The following DCAF1 variants were observed in gnomAD, a reference collection of about 807,000 sequenced individuals.
The protein encoded by DCAF1 is DDB1 and CUL4 associated factor 1, also known as DDB1- and CUL4-associated factor 1.
In DCAF1, 15 loss-of-function variants were observed where a neutral mutation model predicts 128.0. That is an observed-to-expected ratio of 0.12 (90% CI 0.08 to 0.18). The LOEUF (loss-of-function observed/expected upper bound fraction) is 0.18, where lower values mean the gene tolerates loss of function less well. DCAF1 is among the 10% of genes least tolerant of loss of function. The pLI is 1.00. For missense variants in DCAF1, 988 were observed against 1,649.5 expected, an observed-to-expected ratio of 0.60 and a Z score of 6.95; for synonymous variants, 610 against 603.0, an observed-to-expected ratio of 1.01 and a Z score of -0.17.
intron 5 of DCAF1, among the ~76,000 whole-genome samples, chr3:51,466,176 T>G (rs1704107912): frequency 6.6e-6 from 1 of 152,062 alleles, no homozygotes; most frequent in African/African-American, 2.4e-5. Context: ...CATTCCAGCC[T>G]AAGTAACAGA....
intron 6 of DCAF1, among the ~76,000 whole-genome samples, chr3:51,456,524 G>A (rs1553642865): frequency 6.6e-6 from 1 of 152,188 alleles, no homozygotes; most frequent in Non-Finnish European, 1.5e-5. Flanking sequence ...AGTAACCTCT[G>A]CAGACTTAAA....
chr3:51,442,409 G>C (rs1456207417), intron 7 of DCAF1, among the ~76,000 whole-genome samples: 2 of 152,092 alleles, frequency 1.3e-5, no homozygotes, highest in African/African-American at 2.4e-5. Context: ...TTTAAAGAGA[G>C]AGGGATGGCC....
Position 51,403,271 on chromosome 3 carries a change from G to A in DCAF1, c.4337C>T (p.Ala1446Val). ...GAAGTCATTGTCCCCATCTTCCCCT[G>A]CGTTCTCATTATTGTCGTCCTCCTC... Reference protein sequence around the residue: ...ELEEDDNNENAGEDGDNDFSP... With the variant: ...ELEEDDNNENVGEDGDNDFSP... Residue 1446 changes from alanine (A) to valine (V), a missense_variant, in exon 24 of 25, where the codon GCA becomes GTA. Ala to Val is a moderately conservative substitution (Grantham distance 64, BLOSUM62 0). Around this residue, in one of 11 missense-constraint regions of DCAF1, gnomAD observed 97 missense variants for 134.5 expected, o/e 0.72. Coordinates refer to ENST00000684031, the MANE Select transcript of DCAF1 (RefSeq NM_001387579.1). The A allele has an allele frequency of 1.2e-6, 2 of 1,611,064 alleles. No homozygotes were observed. Among genetic ancestry groups the A allele is most frequent in the Non-Finnish European group, 1.7e-6 (2 of 1,178,676 alleles).
intron 2 of DCAF1, among the ~76,000 whole-genome samples, chr3:51,489,616 A>G: frequency 6.6e-6 from 1 of 151,944 alleles, no homozygotes; most frequent in Admixed American, 6.6e-5. Context: ...GTGAAACCGC[A>G]TCTCTACTAA....
chr3:51,496,833 T>G (rs1268962354), intron 1 of DCAF1, among the ~76,000 whole-genome samples, 53 bp from the exon 2 acceptor site: 2 of 152,160 alleles, frequency 1.3e-5, no homozygotes, highest in African/African-American at 4.8e-5. Flanking sequence ...ATTGTCCCCA[T>G]GATGGGATAA....
At chr3:51,437,484 C>A in intron 9 of DCAF1, 1 of 441,540 alleles carries the variant, frequency 2.3e-6, no homozygotes, top group Admixed American at 2.6e-5. Context: ...CAGGTAACTA[C>A]TGAGAGATGA....
At chr3:51,466,669 C>A (rs782093070) in intron 5 of DCAF1, 134 bp downstream of exon 5, 1 of 744,496 alleles carries the variant, frequency 1.3e-6, no homozygotes, top group Non-Finnish European at 2.2e-6. Flanking sequence ...ATGGCCACAA[C>A]CAGGACTTTG....
At chr3:51,495,261 T>C (rs1708108612) in intron 2 of DCAF1, among the ~76,000 whole-genome samples, 1 of 151,986 alleles carries the variant, frequency 6.6e-6, no homozygotes, top group Non-Finnish European at 1.5e-5. Context: ...GAGGCAGAAG[T>C]TGCAGTGAGC....
At chr3:51,473,961 G>A (rs1321301450) in intron 3 of DCAF1, among the ~76,000 whole-genome samples, 3 of 151,292 alleles carry the variant, frequency 2.0e-5, no homozygotes, top group Non-Finnish European at 1.5e-5. Context: ...GTGCCACCAC[G>A]CCCAGCTCAT....
chr3:51,437,972 T>C (rs921539870), intron 9 of DCAF1: 3 of 271,440 alleles, frequency 1.1e-5, no homozygotes, highest in Admixed American at 5.2e-5. Context: ...GTCTCACTTA[T>C]AACAAAGTAA....
At chr3:51,403,514 T>C in intron 23 of DCAF1, 119 bp from the exon 24 acceptor site, 1 of 1,461,974 alleles carries the variant, frequency 6.8e-7, no homozygotes, top group Non-Finnish European at 9.1e-7. Flanking sequence ...AGTAGTGATC[T>C]AGACGAGCAC....
chr3:51,434,837 CAA>C (rs1262346146), intron 9 of DCAF1, among the ~76,000 whole-genome samples: 4 of 151,086 alleles, frequency 2.6e-5, no homozygotes, highest in Non-Finnish European at 5.9e-5. Flanking sequence ...ATGTTATGGG[CAA>C]AGAGTATAAT....
intron 6 of DCAF1, among the ~76,000 whole-genome samples, chr3:51,451,813 A>T (rs1445040203): frequency 1.3e-5 from 2 of 152,160 alleles, no homozygotes; most frequent in African/African-American, 4.8e-5. Flanking sequence ...TCTGAAAGTA[A>T]AAGTCAACAA....
At chr3:51,401,372 T>C (rs1157863533) in intron 24 of DCAF1, among the ~76,000 whole-genome samples, 2 of 152,182 alleles carry the variant, frequency 1.3e-5, no homozygotes, top group South Asian at 2.1e-4. Context: ...GGCAAAACCA[T>C]GGGTGCTAAG....
rs1048642533 is a variant in DCAF1, at chr3:51,403,193, T to C, written c.4415A>G (p.Glu1472Gly). The change falls in exon 24 of 25, where the codon GAG becomes GGG. Residue 1472 changes from glutamate to glycine, a missense_variant. Transcript: ENST00000684031. The part of the protein sequence containing the change: ...ANLLEEGEDG[E>G]DEDSDADEEV... ...CTCATCTGCATCAGAGTCTTCATCC[T>C]CCCCGTCCTCTCCCTCCTCTAGAAG... The C allele has an allele frequency of 1.2e-6, 2 of 1,613,844 alleles. No individual in the cohort carries two copies. The highest frequency in any genetic ancestry group is 1.7e-6 in the Non-Finnish European group (2 of 1,179,838).
upstream of DCAF1, among the ~76,000 whole-genome samples, chr3:51,504,036 AT>A (rs559346586): frequency 0.038 from 5,013 of 130,208 alleles, 106 homozygotes; most frequent in African/African-American, 0.086. Context: ...GCCCCTGAAC[AT>A]TTTTTTTTTT....
chr3:51,450,437 C>T (rs921126801), intron 6 of DCAF1, among the ~76,000 whole-genome samples: 3 of 152,104 alleles, frequency 2.0e-5, no homozygotes, highest in Non-Finnish European at 4.4e-5. Context: ...AACTAAATCT[C>T]AGGAATTCAA....
At chr3:51,464,063 C>T (rs1253400448) in intron 5 of DCAF1, among the ~76,000 whole-genome samples, 2 of 151,926 alleles carry the variant, frequency 1.3e-5, no homozygotes, top group Non-Finnish European at 2.9e-5. Context: ...TTATGTTGCC[C>T]GAGCTAGCCT....
intron 5 of DCAF1, among the ~76,000 whole-genome samples, chr3:51,466,119 C>T (rs1704101077): frequency 6.6e-6 from 1 of 152,168 alleles, no homozygotes; most frequent in African/African-American, 2.4e-5. Flanking sequence ...GGAGAATCAC[C>T]TGACCCCGGA....
Sources: gnomAD v4.1 joint callset for allele counts (sites outside exome capture counted in the v4.1 genomes callset) on GRCh38, gnomAD v4.1.1 for gene constraint, gnomAD v4.1.1 regional missense constraint, MANE v1.5 for transcripts, NCBI Gene and HGNC (gene_info 2026-07-23, HGNC 2026-07-21) for gene names.